The following NDUFA8 variants were observed in gnomAD, a reference collection of about 807,000 sequenced individuals.
NDUFA8 encodes the protein NADH:ubiquinone oxidoreductase subunit A8.
Under a neutral mutation model 20.9 loss-of-function variants are expected in NDUFA8, and 16 were observed. The observed-to-expected ratio is 0.77, with a 90% CI of 0.52 to 1.16. The LOEUF (loss-of-function observed/expected upper bound fraction) is 1.16. NDUFA8 is among the 50% of genes most tolerant of loss of function. The pLI is 0.00. For synonymous variants in NDUFA8, 70 were observed against 76.1 expected (o/e 0.92, Z 0.41); for missense variants, 202 against 216.4 (o/e 0.93, Z 0.42).
chr9:122,159,335 T>C (rs574507940), intron 1 of NDUFA8, among the ~76,000 whole-genome samples: 8 of 152,316 alleles, frequency 5.3e-5, no homozygotes, highest in Non-Finnish European at 1.0e-4. Context: ...AAATGACTGG[T>C]TGGTGCTTAA....
downstream of NDUFA8, among the ~76,000 whole-genome samples, chr9:122,140,340 C>A (rs972723309): frequency 1.3e-5 from 2 of 152,178 alleles, no homozygotes; most frequent in East Asian, 3.8e-4. Flanking sequence ...ATAGGAGAAG[C>A]AGCTTTTTAA....
intron 1 of NDUFA8, among the ~76,000 whole-genome samples, chr9:122,159,077 T>C (rs1417796572): frequency 6.6e-6 from 1 of 152,170 alleles, no homozygotes; most frequent in Non-Finnish European, 1.5e-5. Flanking sequence ...CGTTAATTAC[T>C]GAAATGATAT....
chr9:122,158,697 G>GTA (rs1266115618), intron 1 of NDUFA8, among the ~76,000 whole-genome samples: 2 of 148,928 alleles, frequency 1.3e-5, no homozygotes, highest in African/African-American at 2.5e-5. Context: ...TTGTGTGTGT[G>GTA]TATATATATA....
the NDUFA8 span, among the ~76,000 whole-genome samples, chr9:122,133,962 G>A: frequency 0.07 from 10,672 of 152,176 alleles, 437 homozygotes; most frequent in East Asian, 0.16. Flanking sequence ...TTATCTCTTT[G>A]AGTCTGATGC....
At chr9:122,142,399 CA>C (rs971040889), downstream of NDUFA8, among the ~76,000 whole-genome samples, 2 of 152,156 alleles carry the variant, frequency 1.3e-5, no homozygotes, top group Non-Finnish European at 1.5e-5. Flanking sequence ...GGAGTGCTTT[CA>C]AAAATTCCAA....
chr9:122,140,183 GC>G (rs1371228576), downstream of NDUFA8, among the ~76,000 whole-genome samples: 1 of 152,134 alleles, frequency 6.6e-6, no homozygotes, highest in Non-Finnish European at 1.5e-5. Context: ...ATCTTACTTA[GC>G]TACTCCCTAG....
chr9:122,145,030 G>A (rs376879889), intron 3 of NDUFA8, among the ~76,000 whole-genome samples: 3 of 152,190 alleles, frequency 2.0e-5, no homozygotes, highest in African/African-American at 7.2e-5. Flanking sequence ...GGGGCTCACT[G>A]AGGCCACCTA....
intron 1 of NDUFA8, among the ~76,000 whole-genome samples, chr9:122,158,755 G>A (rs958155638): frequency 2.2e-4 from 31 of 142,766 alleles, no homozygotes; most frequent in African/African-American, 6.9e-4. Flanking sequence ...ATATATATAT[G>A]GTATATATAT....
chr9:122,142,952 A>T (rs977245472), downstream of NDUFA8, among the ~76,000 whole-genome samples: 24 of 152,218 alleles, frequency 1.6e-4, no homozygotes, highest in Non-Finnish European at 2.6e-4. Flanking sequence ...TTTTCATTAG[A>T]GAATCTGAGG....
chr9:122,136,431 A>C, the NDUFA8 span, among the ~76,000 whole-genome samples: 1 of 42,900 alleles, frequency 2.3e-5, no homozygotes, highest in Non-Finnish European at 4.2e-5. Flanking sequence ...TGCTGAACTA[A>C]TTAAATGGCA....
downstream of NDUFA8, among the ~76,000 whole-genome samples, chr9:122,141,055 G>T (rs1360214351): frequency 2.6e-5 from 4 of 152,160 alleles, no homozygotes; most frequent in African/African-American, 9.7e-5. Context: ...TTTAGAGATG[G>T]GTAGACTTTC....
intron 2 of NDUFA8, among the ~76,000 whole-genome samples, chr9:122,150,177 C>T (rs928157856): frequency 1.1e-4 from 16 of 152,044 alleles, no homozygotes; most frequent in Admixed American, 5.9e-4. Flanking sequence ...AATCCCAGCA[C>T]TTTGGGAGGC....
chr9:122,133,066 T>C, the NDUFA8 span: 2 of 455,272 alleles, frequency 4.4e-6, no homozygotes, highest in South Asian at 1.5e-5. Flanking sequence ...CTCTGCAAAG[T>C]AGACCTTACT....
the NDUFA8 span, among the ~76,000 whole-genome samples, chr9:122,138,109 T>A: frequency 1.3e-5 from 2 of 152,220 alleles, no homozygotes; most frequent in South Asian, 4.1e-4. Context: ...TCATATGACA[T>A]AATACCTTAG....
intron 2 of NDUFA8, among the ~76,000 whole-genome samples, chr9:122,149,900 C>T (rs1031973280): frequency 1.3e-5 from 2 of 151,614 alleles, no homozygotes; most frequent in African/African-American, 4.9e-5. Flanking sequence ...GAGGTTGCAG[C>T]GAACAAAGAT....
At chr9:122,138,862 A>AGGT in the NDUFA8 span, among the ~76,000 whole-genome samples, 1 of 16,966 alleles carries the variant, frequency 5.9e-5, no homozygotes, top group Non-Finnish European at 1.3e-4. Context: ...CACCAAGAAG[A>AGGT]GGTGGGGGGG....
chr9:122,158,843 TGGGAGGA>T, intron 1 of NDUFA8, among the ~76,000 whole-genome samples: 1 of 151,766 alleles, frequency 6.6e-6, no homozygotes, highest in Non-Finnish European at 1.5e-5. Flanking sequence ...ATAGTGTTGC[TGGGAGGA>T]TTCAATGAAT....
chr9:122,152,458 C>G (rs1829018100), intron 1 of NDUFA8, 50 bp from the exon 2 acceptor site: 1 of 1,586,472 alleles, frequency 6.3e-7, no homozygotes, highest in Admixed American at 1.7e-5. Context: ...ACCAGAATAC[C>G]ACTTTCTCAG....
chr9:122,152,119 T>C (rs1435905515), intron 2 of NDUFA8, 126 bp downstream of exon 2: 1 of 1,070,600 alleles, frequency 9.3e-7, no homozygotes, highest in Non-Finnish European at 1.4e-6. Flanking sequence ...TTTGAATGTT[T>C]TACCTTGGTC....
Sources: allele counts gnomAD v4.1 joint callset (sites outside exome capture counted in the v4.1 genomes callset), GRCh38; gene constraint gnomAD v4.1.1; transcripts MANE v1.5; gene names NCBI Gene and HGNC (gene_info 2026-07-23, HGNC 2026-07-21).